PATL2: variants seen among roughly 807,000 people sequenced by gnomAD.
PATL2 encodes the protein PAT1 homolog 2.
In PATL2, 73 loss-of-function variants were observed where a neutral mutation model predicts 77.0. The ratio of observed to expected loss-of-function variants is 0.95; its 90% CI spans 0.78 to 1.15. The LOEUF is 1.15. Ranked by LOEUF, PATL2 falls within the 50% of genes most tolerant of loss-of-function variation. The pLI is 0.00. For synonymous variants in PATL2, 265 were observed against 257.1 expected, an observed-to-expected ratio of 1.03 and a Z score of -0.29; for missense variants, 618 against 655.4, an observed-to-expected ratio of 0.94 and a Z score of 0.62.
intron 3 of PATL2, chr15:44,676,867 A>G: frequency 1.8e-6 from 2 of 1,092,716 alleles, no homozygotes; most frequent in Non-Finnish European, 2.2e-6. Flanking sequence ...GACACCCACC[A>G]CCTGACTGTT....
chr15:44,707,034 C>T (rs749541625), intron 3 of PATL2, among the ~76,000 whole-genome samples: 3 of 152,134 alleles, frequency 2.0e-5, no homozygotes, highest in Non-Finnish European at 4.4e-5. Flanking sequence ...TGGCCACTTC[C>T]ACCCCAGGCC....
intron 3 of PATL2, among the ~76,000 whole-genome samples, chr15:44,699,081 T>A (rs1311687692): frequency 3.3e-5 from 5 of 152,356 alleles, no homozygotes; most frequent in South Asian, 4.1e-4. Flanking sequence ...TGCCCATTTT[T>A]AAAATTGGAT....
Position 44,668,479 on chromosome 15 carries a change from G to A in PATL2, c.1228C>T (p.Leu410=). ...LVRRDVADQA[L]QMLFKPLGKC... is the part of the protein sequence containing the mutation. ...CCCAGAGGTTTGAATAACATTTGTA[G>A]GGCCTGCAAGAAGATCAGTAAGCAC... is the stretch of plus-strand genomic sequence containing the variant. The change falls in exon 15 of 18, where the codon CTA becomes TTA. Residue 410 remains leucine (L), a synonymous_variant. Coordinates refer to ENST00000682850, the MANE Select transcript of PATL2 (RefSeq NM_001387263.1). 6.5e-7 allele frequency: 1 copy of A among 1,549,872 alleles called. No homozygotes were observed. Among genetic ancestry groups the A allele is most frequent in the Non-Finnish European group, 8.7e-7 (1 of 1,146,476 alleles).
chr15:44,685,485 G>T (rs2086232650), intron 3 of PATL2, among the ~76,000 whole-genome samples: 1 of 152,126 alleles, frequency 6.6e-6, no homozygotes, highest in South Asian at 2.1e-4. Flanking sequence ...GCACACACCT[G>T]TAATCCCAGC....
intron 6 of PATL2, 108 bp downstream of exon 6, chr15:44,674,042 C>T: frequency 9.3e-7 from 1 of 1,073,250 alleles, no homozygotes; most frequent in Non-Finnish European, 1.3e-6. Flanking sequence ...ACCTCCCACA[C>T]CCATACCTCA....
intron 3 of PATL2, among the ~76,000 whole-genome samples, chr15:44,695,220 A>AG (rs772003175): frequency 6.6e-6 from 1 of 151,644 alleles, no homozygotes. Context: ...ACCACTCCAG[A>AG]GGGGGGAATG....
intron 3 of PATL2, among the ~76,000 whole-genome samples, chr15:44,686,447 G>A (rs1459973557): frequency 6.6e-6 from 1 of 152,160 alleles, no homozygotes; most frequent in African/African-American, 2.4e-5. Flanking sequence ...ATGCCCACAA[G>A]AGGAAGTAGG....
chr15:44,670,127 C>T (rs1264437459), intron 9 of PATL2, 40 bp from the exon 10 acceptor site: 1 of 1,541,862 alleles, frequency 6.5e-7, no homozygotes, highest in African/African-American at 1.4e-5. Context: ...AACAAAACAC[C>T]TTATATTCAT....
At chr15:44,667,313 G>C in intron 15 of PATL2, 110 bp from the exon 16 acceptor site, 1 of 793,646 alleles carries the variant, frequency 1.3e-6, no homozygotes, top group East Asian at 2.7e-5. Context: ...TTTAGAGATA[G>C]AGCTCAAAAT....
At chr15:44,702,510 T>A (rs1202390807) in intron 3 of PATL2, among the ~76,000 whole-genome samples, 2 of 152,030 alleles carry the variant, frequency 1.3e-5, no homozygotes, top group Non-Finnish European at 2.9e-5. Flanking sequence ...CTTTATTATT[T>A]CTTTCCTTCT....
At chr15:44,711,335 G>C (rs1471185702), upstream of PATL2, 1 of 658,964 alleles carries the variant, frequency 1.5e-6, no homozygotes, top group Non-Finnish European at 2.7e-6. Context: ...AACTCACCCA[G>C]TCTAGTGCAT....
Position 44,670,356 on chromosome 15 carries a change from G to A in PATL2, c.658-269C>T, listed in dbSNP as rs145409643. On this transcript the variant is annotated intron_variant, in intron 9 of 17. Transcript: ENST00000682850. ...CCACAGGCACGTGCCACCATGCCCA[G>A]CTAATTTTTGTATTTTTTGTAGAGG... Among the ~76,000 whole-genome samples, 1,042 of 152,212 alleles carry A rather than the reference G, an allele frequency of 6.8e-3. 7 individuals are homozygous for A. The highest frequency in any genetic ancestry group is 1.0e-2 in the Non-Finnish European group (677 of 68,006).
At position 44,666,484 on chromosome 15, in the gene PATL2, C is replaced by T; in HGVS notation, c.1521G>A (p.Leu507=). Residue 507 remains leucine (L), a synonymous_variant, in exon 17 of 18, where the codon CTG becomes CTA. Coordinates refer to ENST00000682850, the MANE Select transcript of PATL2 (RefSeq NM_001387263.1). The stretch of plus-strand genomic sequence containing the variant: ...TGCTGGGGAAAGCTAGGGGTTCTGC[C>T]AGAGAGGCTGTAGGCATTTGGGCTA... The part of the protein sequence containing the change: ...WEIAQMPTAS[L]AEPLAFPSNL... 3.2e-6 allele frequency: 5 copies of T among 1,551,596 alleles called. No homozygotes were observed. Among genetic ancestry groups the T allele is most frequent in the Non-Finnish European group, 3.5e-6 (4 of 1,146,958 alleles).
At chr15:44,667,229 G>C in intron 15 of PATL2, 26 bp from the exon 16 acceptor site, 1 of 1,501,772 alleles carries the variant, frequency 6.7e-7, no homozygotes, top group Non-Finnish European at 9.1e-7. Flanking sequence ...ATATATTCCA[G>C]AGCAAAATGA....
chr15:44,673,416 C>T (rs969645252), intron 6 of PATL2, 39 bp from the exon 7 acceptor site: 1 of 1,548,546 alleles, frequency 6.5e-7, no homozygotes, highest in South Asian at 1.2e-5. Context: ...AACGCCATCT[C>T]CACCAAAAGA....
chr15:44,682,975 G>A (rs1184934192), intron 3 of PATL2, among the ~76,000 whole-genome samples: 1 of 152,178 alleles, frequency 6.6e-6, no homozygotes, highest in East Asian at 1.9e-4. Context: ...TGCCTTACCC[G>A]GGAAGTGCAA....
intron 3 of PATL2, among the ~76,000 whole-genome samples, chr15:44,693,845 AT>A (rs1161540901): frequency 6.6e-6 from 1 of 151,970 alleles, no homozygotes; most frequent in Admixed American, 6.6e-5. Flanking sequence ...GATTACAGGC[AT>A]GTGCCACCAT....
Position 44,674,991 on chromosome 15 carries a change from T to C in PATL2, c.222+495A>G, listed in dbSNP as rs79231713. The stretch of plus-strand genomic sequence containing the variant: ...CTTAAAATACCTTATTGTACTATAC[T>C]TGCCTATTTTCAGACTATAGTTGAC... On this transcript the variant is annotated intron_variant, in intron 5 of 17. Coordinates refer to ENST00000682850, the MANE Select transcript of PATL2 (RefSeq NM_001387263.1). 411 of 157,016 alleles carry C rather than the reference T, an allele frequency of 2.6e-3. 3 individuals are homozygous for C. The highest frequency in any genetic ancestry group is 8.8e-3 in the African/African-American group (367 of 41,640). 9.7% of individuals were successfully genotyped at this position (157,016 alleles called of 1,614,324 possible). A position where few individuals can be genotyped will look rare whatever the true frequency, so the allele number is the denominator to read the frequency against.
intron 9 of PATL2, among the ~76,000 whole-genome samples, chr15:44,670,695 G>C (rs1195717992): frequency 6.6e-6 from 1 of 152,238 alleles, no homozygotes; most frequent in Non-Finnish European, 1.5e-5. Flanking sequence ...TGGAGAGCCA[G>C]TGAGCAAACC....
Sources: gnomAD v4.1 joint callset for allele counts (sites outside exome capture counted in the v4.1 genomes callset) on GRCh38, gnomAD v4.1.1 for gene constraint, MANE v1.5 for transcripts, NCBI Gene and HGNC (gene_info 2026-07-23, HGNC 2026-07-21) for gene names.